Variants in ANKLE2 observed in about 807,000 individuals in gnomAD.
ANKLE2 encodes the protein ankyrin repeat and LEM domain containing 2.
ANKLE2 carries 55 observed loss-of-function variants against 84.2 expected under a neutral mutation model. The ratio of observed to expected loss-of-function variants is 0.65; its 90% CI spans 0.53 to 0.82. The LOEUF is 0.82. ANKLE2 is among the 40% of genes least tolerant of loss of function. The pLI, the probability that ANKLE2 is intolerant of heterozygous loss-of-function variation, is 0.00. For missense variants in ANKLE2, 1,238 were observed against 1,201.9 expected (o/e 1.03, Z -0.44); for synonymous variants, 551 against 486.1 (o/e 1.13, Z -1.76).
At position 132,728,159 on chromosome 12, in the gene ANKLE2, C is replaced by G; in HGVS notation, c.2488G>C (p.Glu830Gln). 6.2e-7 allele frequency: 1 copy of G among 1,612,396 alleles called. No homozygotes were observed. The highest frequency in any genetic ancestry group is 2.2e-5 in the East Asian group (1 of 44,888). Residue 830 changes from glutamate (E) to glutamine (Q), a missense_variant, in exon 12 of 13, where the codon GAG becomes CAG. By Grantham distance (29) the Glu-to-Gln change is conservative. Transcript: ENST00000357997. ...PARRLFLFGEEPSKLDQDVLA... is the reference protein window; with the variant it reads ...PARRLFLFGEQPSKLDQDVLA... ...ACATCCTGATCGAGTTTTGATGGCT[C>G]CTCTCTAGAAAGCACAATAAAAGAA...
intron 1 of ANKLE2, chr12:132,755,684 C>A (rs1285256875): frequency 6.6e-6 from 1 of 151,650 alleles, no homozygotes; most frequent in Non-Finnish European, 1.5e-5. Flanking sequence ...CCTCAGCCTC[C>A]CAAGTAGCTG....
chr12:132,761,499 G>C (rs915424323), intron 1 of ANKLE2, 119 bp downstream of exon 1: 2 of 900,092 alleles, frequency 2.2e-6, no homozygotes, highest in Non-Finnish European at 2.9e-6. Context: ...TGGTTTCCCC[G>C]GCCGCCTCGC....
At chr12:132,732,498 G>C in intron 10 of ANKLE2, among the ~76,000 whole-genome samples, 1 of 144,820 alleles carries the variant, frequency 6.9e-6, no homozygotes, top group African/African-American at 2.5e-5. Context: ...GAAGCTCTCT[G>C]AGTGCTGGTG....
In ANKLE2 at chr12:132,735,189, G is replaced by A; in HGVS notation, c.1700+217C>T. 5.3e-6 allele frequency: 3 copies of A among 565,968 alleles called. No homozygotes were observed. In the East Asian group the frequency reaches 9.2e-5, roughly 17 times the overall value. The allele number at this position is 565,968 out of a possible 1,614,324, so 35.1% of individuals were successfully genotyped here. On this transcript the variant is annotated intron_variant, in intron 9 of 12. Transcript: ENST00000357997. ...AAGGAATTCCAATTAGAAAAGGAAA[G>A]GAAGGCACTGCAGACATCCCCCAGG... is the stretch of plus-strand genomic sequence containing the variant.
intron 3 of ANKLE2, 27 bp downstream of exon 3, chr12:132,750,610 GAACATC>G (rs778700379): frequency 8.7e-6 from 14 of 1,608,508 alleles, no homozygotes; most frequent in Middle Eastern, 1.6e-4. Flanking sequence ...AATGTGACAG[GAACATC>G]AAGATGTGAA....
At chr12:132,744,121 T>C (rs2044186145) in intron 5 of ANKLE2, among the ~76,000 whole-genome samples, 1 of 152,144 alleles carries the variant, frequency 6.6e-6, no homozygotes, top group South Asian at 2.1e-4. Context: ...CTCCCACAGC[T>C]GCACCTCTAT....
At chr12:132,751,142 A>G (rs1269743395) in intron 2 of ANKLE2, 2 of 249,756 alleles carry the variant, frequency 8.0e-6, no homozygotes, top group Non-Finnish European at 1.5e-5. Flanking sequence ...CTAAATAAAA[A>G]TTATTAAAAG....
rs1189273003 is a variant in ANKLE2, at chr12:132,730,189, G to A, written c.1973C>T (p.Ala658Val). The part of the protein sequence containing the change: ...LEEIKNRQNA[A>V]RNNSPPTVGA... ...GACTGTGGGCGGGCTGTTATTTCGA[G>A]CTGCATTTTGCCGATTTTTTATTTC... The change falls in exon 11 of 13, where the codon GCT becomes GTT. Residue 658 changes from alanine (A) to valine (V), a missense_variant. This residue lies in a region of ANKLE2 where 802 missense variants were observed against 774.5 expected (regional missense o/e 1.04). Transcript: ENST00000357997. 2 of 1,601,676 alleles carry A rather than the reference G, an allele frequency of 1.2e-6. No individual in the cohort carries two copies. Among genetic ancestry groups the A allele is most frequent in the Non-Finnish European group, 1.7e-6 (2 of 1,173,932 alleles).
intron 5 of ANKLE2, among the ~76,000 whole-genome samples, chr12:132,744,582 A>G (rs1338178804): frequency 6.6e-6 from 1 of 152,028 alleles, no homozygotes; most frequent in Non-Finnish European, 1.5e-5. Flanking sequence ...CACGACCCCA[A>G]AAAGGTCTGG....
At chr12:132,744,766 C>T (rs1271719697) in intron 5 of ANKLE2, among the ~76,000 whole-genome samples, 2 of 152,100 alleles carry the variant, frequency 1.3e-5, no homozygotes, top group East Asian at 1.9e-4. Context: ...CTGCAAGCTC[C>T]GCCTCCCGGG....
intron 10 of ANKLE2, among the ~76,000 whole-genome samples, chr12:132,732,944 A>C (rs1395825640): frequency 1.4e-5 from 2 of 138,230 alleles, no homozygotes; most frequent in Admixed American, 7.1e-5. Context: ...CACCGTGTGA[A>C]GCTCTCTGCG....
Position 132,730,047 on chromosome 12 carries a change from C to CA in ANKLE2, c.2114dup (p.Asn706GlufsTer30). The CA allele has an allele frequency of 6.2e-7, 1 of 1,612,902 alleles. No homozygotes were observed. Among genetic ancestry groups the CA allele is most frequent in the Non-Finnish European group, 8.5e-7 (1 of 1,179,734 alleles). On this transcript the variant is annotated frameshift_variant, in exon 11 of 13. Transcript: ENST00000357997. LOFTEE classifies it high-confidence loss of function. ...TGCCCGCCAGGGTCCTGCTGTGATT[C>CA]AGAGGATGGCAGAGCCCATTTCTGC...
rs1018496403 is a variant in ANKLE2 at position 132,735,611 on chromosome 12, C to T, written c.1594-99G>A. The T allele has an allele frequency of 2.4e-5, 21 of 886,712 alleles. No homozygotes were observed. The East Asian group carries it at 2.5e-4, about 10-fold the overall frequency. 54.9% of individuals were successfully genotyped at this position (886,712 alleles called of 1,614,324 possible). A position where few individuals can be genotyped will look rare whatever the true frequency, so the allele number is the denominator to read the frequency against. On this transcript the variant is annotated intron_variant, in intron 8 of 12. Coordinates refer to ENST00000357997, the MANE Select transcript of ANKLE2 (RefSeq NM_015114.3). ...CGTCATCGCAGTAGCTGCCTGTCTC[C>T]GCACACCCTTCCTTCTCTCCCCTTC... is the stretch of plus-strand genomic sequence containing the variant.
chr12:132,743,332 C>A lies in ANKLE2; in HGVS notation c.1231-56G>T. 6.5e-7 allele frequency: 1 copy of A among 1,529,164 alleles called. No homozygotes were observed. The highest frequency in any genetic ancestry group is 2.4e-5 in the East Asian group (1 of 42,018). The allele number at this position is 1,529,164 out of a possible 1,614,324, so 94.7% of individuals were successfully genotyped here. A position where few individuals can be genotyped will look rare whatever the true frequency, so the allele number is the denominator to read the frequency against. The stretch of plus-strand genomic sequence containing the variant: ...TTCACACTTGTCTCATGAGGTTGCT[C>A]TAAGGTGAAAATACATATTCATTCA... On this transcript the variant is annotated intron_variant, in intron 5 of 12. Coordinates refer to ENST00000357997, the MANE Select transcript of ANKLE2 (RefSeq NM_015114.3). This position sits in a 1 kb window ranked among gnomAD's most constrained non-coding sequence, Gnocchi z 4.1.
intron 1 of ANKLE2, chr12:132,760,385 T>C (rs907240675): frequency 1.3e-5 from 2 of 152,168 alleles, no homozygotes; most frequent in African/African-American, 4.8e-5. Context: ...TCGTCTGTCA[T>C]CCTAATTCAG....
intron 10 of ANKLE2, among the ~76,000 whole-genome samples, chr12:132,733,356 G>A (rs1593144127): frequency 1.3e-5 from 2 of 149,270 alleles, no homozygotes; most frequent in South Asian, 4.3e-4. Flanking sequence ...TATGCACCGT[G>A]TGAAGCGCTC....
intron 1 of ANKLE2, 110 bp downstream of exon 1, chr12:132,761,508 G>T: frequency 1.0e-6 from 1 of 965,408 alleles, no homozygotes; most frequent in Non-Finnish European, 1.3e-6. Flanking sequence ...CGGCCGCCTC[G>T]CCCAACTGCT....
intron 2 of ANKLE2, among the ~76,000 whole-genome samples, chr12:132,753,447 G>C (rs184818898): frequency 6.6e-6 from 1 of 151,810 alleles, no homozygotes; most frequent in Admixed American, 6.6e-5. Context: ...CGTGGGCAAC[G>C]TGGCGAAACC....
Position 132,728,027 on chromosome 12 carries a change from C to G in ANKLE2, c.2615+5G>C. The G allele has an allele frequency of 6.3e-7, 1 of 1,596,968 alleles. No homozygotes were observed. Among genetic ancestry groups the G allele is most frequent in the South Asian group, 1.1e-5 (1 of 88,900 alleles). On this transcript the variant is annotated splice_donor_5th_base_variant and intron_variant, in intron 12 of 12. Coordinates refer to ENST00000357997, the MANE Select transcript of ANKLE2 (RefSeq NM_015114.3). ...CGGGTGACAGGCTGTCCGGGCCCCA[C>G]ATACCTCTGTCTGTCCGAGGGTGAG...
Sources: gnomAD v4.1 joint callset for allele counts (sites outside exome capture counted in the v4.1 genomes callset) on GRCh38, gnomAD v4.1.1 for gene constraint, gnomAD v4.1.1 regional missense constraint, Gnocchi (gnomAD v3.1) non-coding constraint, MANE v1.5 for transcripts, NCBI Gene and HGNC (gene_info 2026-07-23, HGNC 2026-07-21) for gene names.